The following NOX5 variants were observed in gnomAD, a reference collection of about 807,000 sequenced individuals.
NOX5 encodes NADPH oxidase 5.
NOX5 carries 76 observed loss-of-function variants against 85.7 expected under a neutral mutation model. The ratio of observed to expected loss-of-function variants is 0.89; its 90% CI spans 0.74 to 1.07. The LOEUF (loss-of-function observed/expected upper bound fraction) is 1.07. Among genes scored for constraint, NOX5 ranks in the 50% least tolerant of loss-of-function variants. The probability of loss-of-function intolerance (pLI) is 0.00; values close to 1 mark genes in which losing one functional copy is unlikely to be tolerated. For synonymous variants in NOX5, 405 were observed against 401.4 expected, an observed-to-expected ratio of 1.01 and a Z score of -0.11; for missense variants, 973 against 999.5, an observed-to-expected ratio of 0.97 and a Z score of 0.36.
Position 69,028,210 on chromosome 15 carries a change from C to G in NOX5, c.175-5C>G. ...TGTGCTGTCTTCCACCCTTCTCGCC[C>G]ACAGTCCTTCTTTGCAGAGCGATTC... is the stretch of plus-strand genomic sequence containing the variant. On this transcript the variant is annotated splice_region_variant and splice_polypyrimidine_tract_variant and intron_variant, in intron 2 of 15. Transcript: ENST00000388866. 2 of 1,594,314 alleles carry G rather than the reference C, an allele frequency of 1.3e-6. No homozygotes were observed. Among genetic ancestry groups the G allele is most frequent in the Non-Finnish European group, 1.7e-6 (2 of 1,170,080 alleles).
intron 1 of NOX5, among the ~76,000 whole-genome samples, 153 bp from the exon 2 acceptor site, chr15:69,026,375 A>G (rs2050357990): frequency 1.3e-5 from 2 of 152,156 alleles, no homozygotes; most frequent in Non-Finnish European, 2.9e-5. Flanking sequence ...GGCTGTGGGA[A>G]GCTCCAATCC....
rs113961966 is a variant in NOX5 at position 69,048,112 on chromosome 15, A to C, written c.1899+201A>C. Among the ~76,000 whole-genome samples the C allele has an allele frequency of 1.4e-3, 217 of 152,376 alleles. 2 individuals carry two copies. The highest frequency in any genetic ancestry group is 5.0e-3 in the African/African-American group (209 of 41,594). ...GTCTGAGCTCCGCCCCTGCTTCAAC[A>C]TTCCCATCACTTCTGAGAGATGTTC... On this transcript the variant is annotated intron_variant, in intron 13 of 15. Coordinates refer to ENST00000388866, the MANE Select transcript of NOX5 (RefSeq NM_024505.4).
intron 4 of NOX5, among the ~76,000 whole-genome samples, chr15:69,032,691 G>A (rs2050453247): frequency 6.6e-6 from 1 of 152,304 alleles, no homozygotes; most frequent in South Asian, 2.1e-4. Flanking sequence ...GATTACAGAC[G>A]TGAGCCACTG....
rs569495305 is a variant in NOX5, at chr15:69,044,248, A to G, written c.1647+1443A>G. Among the ~76,000 whole-genome samples the G allele has an allele frequency of 6.6e-5, 10 of 152,156 alleles. No homozygotes were observed. The East Asian group carries it at 1.7e-3, about 26-fold the overall frequency. ...ATAGTAATTTCCTTGTTCATTTAGC[A>G]AATATTTATGAAGCACAGCATCTGC... On this transcript the variant is annotated intron_variant, in intron 10 of 15. Coordinates refer to ENST00000388866, the MANE Select transcript of NOX5 (RefSeq NM_024505.4).
Position 69,049,026 on chromosome 15 carries a change from TG to T in NOX5, c.1969del (p.Glu657ArgfsTer20), listed in dbSNP as rs777598918. 3.8e-5 allele frequency: 62 copies of T among 1,612,554 alleles called. No homozygotes were observed. The highest frequency in any genetic ancestry group is 4.9e-5 in the Non-Finnish European group (58 of 1,179,560). The part of the protein sequence containing the change: ...FEWFVSLLTK[L>X]EMDQAEEAQY... Reference sequence around the variant, plus strand: ...TGGTTTGTGAGCCTGCTGACTAAACTGGAGATGGACCAGGCCGAGGAGGCTC... The same window carrying T: ...TGGTTTGTGAGCCTGCTGACTAAACTGAGATGGACCAGGCCGAGGAGGCTC... On this transcript the variant is annotated frameshift_variant, in exon 14 of 16. Coordinates refer to ENST00000388866, the MANE Select transcript of NOX5 (RefSeq NM_024505.4). LOFTEE classifies it high-confidence loss of function.
intron 1 of NOX5, among the ~76,000 whole-genome samples, chr15:69,015,070 A>G (rs1462872353): frequency 3.3e-5 from 5 of 152,204 alleles, no homozygotes; most frequent in Admixed American, 2.0e-4. Flanking sequence ...TCCAAACAGC[A>G]TCTCATTTGG....
In NOX5 at chr15:69,058,686, C is replaced by T. The variant is rs2050842844; in HGVS notation, c.*1990C>T. ...CAACCAGATCGTGTTTAATTTCCAGCAAGCCTGGGGAGGCACACAACTCAC... is the reference window on the plus strand; with the variant it reads ...CAACCAGATCGTGTTTAATTTCCAGTAAGCCTGGGGAGGCACACAACTCAC... On this transcript the variant is annotated 3_prime_UTR_variant, in exon 16 of 16. Transcript: ENST00000388866. 6.6e-6 allele frequency: 1 copy of T among 152,136 alleles called. No individual in the cohort carries two copies. Among genetic ancestry groups the T allele is most frequent in the Non-Finnish European group, 1.5e-5 (1 of 68,052 alleles). The allele number at this position is 152,136 out of a possible 1,614,324, so 9.4% of individuals were successfully genotyped here.
In NOX5 at chr15:69,049,351, C is replaced by T. The variant is rs148888575; in HGVS notation, c.1999+293C>T. Among the ~76,000 whole-genome samples the T allele has an allele frequency of 6.4e-3, 973 of 152,092 alleles. 17 individuals are homozygous for T. Among genetic ancestry groups the T allele is most frequent in the African/African-American group, 0.022 (917 of 41,530 alleles). The stretch of plus-strand genomic sequence containing the variant: ...AACCACAGGTGCAGGCCACCACTTC[C>T]GCTAATTTTTTTTTTTTCTCGTAGA... On this transcript the variant is annotated intron_variant, in intron 14 of 15. Coordinates refer to ENST00000388866, the MANE Select transcript of NOX5 (RefSeq NM_024505.4).
Position 69,057,977 on chromosome 15 carries a change from A to C in NOX5, c.*1281A>C, listed in dbSNP as rs1161437263. The C allele has an allele frequency of 6.6e-6, 1 of 152,368 alleles. No individual in the cohort carries two copies. The highest frequency in any genetic ancestry group is 2.4e-5 in the African/African-American group (1 of 41,448). The allele number at this position is 152,368 out of a possible 1,614,324, so 9.4% of individuals were successfully genotyped here. On this transcript the variant is annotated 3_prime_UTR_variant, in exon 16 of 16. Transcript: ENST00000388866. Reference sequence around the variant, plus strand: ...GGAGGAGCGGCCCTGGGCAGAGGACAGGGTGGGCCTCACCTCCTCCATCTG... The same window carrying C: ...GGAGGAGCGGCCCTGGGCAGAGGACCGGGTGGGCCTCACCTCCTCCATCTG...
Position 69,028,032 on chromosome 15 carries a change from C to G in NOX5, c.175-183C>G, listed in dbSNP as rs34814580. On this transcript the variant is annotated intron_variant, in intron 2 of 15. Transcript: ENST00000388866. ...CCAAGCCCATCCTTACTGCAGGGAT[C>G]GGAACAGGTCTTCCATTAGAGCAGA... Among the ~76,000 whole-genome samples the G allele has an allele frequency of 5.1e-3, 772 of 152,256 alleles. 6 individuals carry two copies. The highest frequency in any genetic ancestry group is 0.018 in the African/African-American group (740 of 41,536).
chr15:69,051,374 T>C (rs1001161049), intron 14 of NOX5, among the ~76,000 whole-genome samples: 4 of 152,086 alleles, frequency 2.6e-5, no homozygotes, highest in African/African-American at 7.2e-5. Flanking sequence ...TGTGGTTCAT[T>C]TTACGGCAAT....
Position 69,037,022 on chromosome 15 carries a change from C to A in NOX5, c.1189-6C>A, listed in dbSNP as rs572726975. On this transcript the variant is annotated splice_polypyrimidine_tract_variant and splice_region_variant and intron_variant, in intron 7 of 15. Coordinates refer to ENST00000388866, the MANE Select transcript of NOX5 (RefSeq NM_024505.4). ...TGGAAGTTGACTGCCCCCCCTACCCCCATAGGTGTTCTATTGGACTCACCT... is the reference window on the plus strand; with the variant it reads ...TGGAAGTTGACTGCCCCCCCTACCCACATAGGTGTTCTATTGGACTCACCT... 3 of 1,613,100 alleles carry A rather than the reference C, an allele frequency of 1.9e-6. No individual in the cohort carries two copies. Among genetic ancestry groups the A allele is most frequent in the Non-Finnish European group, 2.5e-6 (3 of 1,179,820 alleles).
At chr15:69,029,420 T>G (rs2050400965) in intron 3 of NOX5, 1 of 152,238 alleles carries the variant, frequency 6.6e-6, no homozygotes, top group African/African-American at 2.4e-5. Flanking sequence ...TTGGGCTGTT[T>G]CTACGTTTTA....
intron 4 of NOX5, among the ~76,000 whole-genome samples, chr15:69,032,647 G>A (rs2140259105): frequency 6.6e-6 from 1 of 152,228 alleles, no homozygotes; most frequent in Admixed American, 6.5e-5. Flanking sequence ...CTGACCTCAG[G>A]TGATCCGCCC....
intron 13 of NOX5, among the ~76,000 whole-genome samples, chr15:69,048,333 G>A (rs940275637): frequency 1.3e-5 from 2 of 152,170 alleles, no homozygotes; most frequent in African/African-American, 4.8e-5. Context: ...AAGAGCTCAA[G>A]ACCAGCCTGG....
chr15:69,028,374 T>A lies in NOX5; in HGVS notation c.325+9T>A. 2.5e-6 allele frequency: 4 copies of A among 1,584,468 alleles called. No homozygotes were observed. The highest frequency in any genetic ancestry group is 1.3e-5 in the African/African-American group (1 of 74,406). ...GGTGTATGACATCGATGGTAAGGGC[T>A]CTTCCTGGGTGTGGGCTGGGGTGGG... On this transcript the variant is annotated intron_variant, in intron 3 of 15. Coordinates refer to ENST00000388866, the MANE Select transcript of NOX5 (RefSeq NM_024505.4).
intron 1 of NOX5, among the ~76,000 whole-genome samples, chr15:69,025,201 A>G (rs2050341746): frequency 6.6e-6 from 1 of 152,196 alleles, no homozygotes; most frequent in South Asian, 2.1e-4. Flanking sequence ...CCTTTAAAAT[A>G]TGTATTGTTG....
At position 69,047,493 on chromosome 15, in the gene NOX5, C is replaced by T. The variant is rs141322196; in HGVS notation, c.1773C>T (p.Ile591=). ...ATGCCGTGCTCATCGGGGCAGGCAT[C>T]GGCATCACCCCCTTTGCTTCCATTC... The part of the protein sequence containing the change: ...SEHAVLIGAG[I]GITPFASILQ... The change falls in exon 12 of 16, where the codon ATC becomes ATT. Residue 591 remains isoleucine, a synonymous_variant. Transcript: ENST00000388866. The T allele has an allele frequency of 7.8e-5, 126 of 1,614,018 alleles. No individual in the cohort carries two copies. The highest frequency in any genetic ancestry group is 4.1e-4 in the African/African-American group (31 of 75,024).
chr15:69,028,239 G>T lies in NOX5; in HGVS notation c.199G>T (p.Ala67Ser), dbSNP rs758759766. Residue 67 changes from alanine (A) to serine (S), a missense_variant, in exon 3 of 16, where the codon GCC becomes TCC. Ala to Ser is a moderately conservative substitution (Grantham distance 99, BLOSUM62 1). Transcript: ENST00000388866. ...KESFFAERFF[A>S]LFDSDRSGTI... ...GTCCTTCTTTGCAGAGCGATTCTTT[G>T]CCCTATTTGACTCCGATAGAAGTGG... 6.2e-7 allele frequency: 1 copy of T among 1,610,500 alleles called. No individual in the cohort carries two copies. Among genetic ancestry groups the T allele is most frequent in the Admixed American group, 1.7e-5 (1 of 59,556 alleles).
Sources: allele counts gnomAD v4.1 joint callset (sites outside exome capture counted in the v4.1 genomes callset), GRCh38; gene constraint gnomAD v4.1.1; transcripts MANE v1.5; gene names NCBI Gene and HGNC (gene_info 2026-07-23, HGNC 2026-07-21).